The following CUL5 variants were observed in gnomAD, a reference collection of about 807,000 sequenced individuals.
CUL5 encodes cullin 5, also known as cullin-5.
A neutral mutation model predicts 108.8 loss-of-function variants in CUL5; 26 were observed. The ratio of observed to expected loss-of-function variants is 0.24; its 90% CI spans 0.18 to 0.33. The LOEUF is 0.33. Ranked by LOEUF, CUL5 falls within the 10% of genes least tolerant of loss-of-function variation. The pLI, the probability that CUL5 is intolerant of heterozygous loss-of-function variation, is 1.00. For synonymous variants in CUL5, 334 were observed against 298.0 expected, an observed-to-expected ratio of 1.12 and a Z score of -1.25; for missense variants, 524 against 909.2, an observed-to-expected ratio of 0.58 and a Z score of 5.45.
Position 108,054,872 on chromosome 11 carries a change from C to T in CUL5, c.700-3C>T, listed in dbSNP as rs1863334021. On this transcript the variant is annotated splice_region_variant and splice_polypyrimidine_tract_variant and intron_variant, in intron 6 of 18. Coordinates refer to ENST00000393094, the MANE Select transcript of CUL5 (RefSeq NM_003478.6). ...AAATGATTGCTATTTTGCTTCTGGA[C>T]AGGCAGATGCTAAATTAAAAGAAGA... is the stretch of plus-strand genomic sequence containing the variant. 2 of 1,606,816 alleles carry T rather than the reference C, an allele frequency of 1.2e-6. No individual in the cohort carries two copies. Among genetic ancestry groups the T allele is most frequent in the Non-Finnish European group, 1.7e-6 (2 of 1,178,060 alleles).
chr11:108,081,656 G>A (rs1323151165), intron 11 of CUL5, among the ~76,000 whole-genome samples: 1 of 151,976 alleles, frequency 6.6e-6, no homozygotes, highest in Non-Finnish European at 1.5e-5. Flanking sequence ...GGAGGCTGAG[G>A]CAGGAGAATG....
At position 108,097,905 on chromosome 11, in the gene CUL5, TATTA is replaced by T. The variant is rs551047809; in HGVS notation, c.2024+154_2024+157del. ...ACATCATTTAGTTGTTTATGGAAAA[TATTA>T]ATCAGATGTTTACTTTTCTATATTT... is the stretch of plus-strand genomic sequence containing the variant. On this transcript the variant is annotated intron_variant, in intron 17 of 18. Transcript: ENST00000393094. The T allele has an allele frequency of 4.2e-3, 2,310 of 545,810 alleles. 30 individuals carry two copies. The highest frequency in any genetic ancestry group is 3.4e-3 in the Non-Finnish European group (1,050 of 308,496). 33.8% of individuals were successfully genotyped at this position (545,810 alleles called of 1,614,324 possible). A position where few individuals can be genotyped will look rare whatever the true frequency, so the allele number is the denominator to read the frequency against.
At chr11:108,027,762 C>A (rs1298642962) in intron 1 of CUL5, among the ~76,000 whole-genome samples, 1 of 152,154 alleles carries the variant, frequency 6.6e-6, no homozygotes, top group Admixed American at 6.5e-5. Flanking sequence ...TTTGTCCTTA[C>A]TACTCTGCAA....
At chr11:108,048,648 C>CTTTTTTTTTTTTTTTTTTTTTTTT (rs200991204) in intron 3 of CUL5, among the ~76,000 whole-genome samples, 49 of 116,852 alleles carry the variant, frequency 4.2e-4, no homozygotes, top group Non-Finnish European at 7.0e-4. Flanking sequence ...ACTCCACCAC[C>CTTTTTTTTTTTTTTTTTTTTTTTT]TTTTTTTTTT....
At chr11:108,055,018 C>A in intron 7 of CUL5, 63 bp downstream of exon 7, 2 of 1,093,020 alleles carry the variant, frequency 1.8e-6, no homozygotes, top group East Asian at 2.5e-5. Context: ...ATAGGAATGG[C>A]AAATAAACAA....
intron 7 of CUL5, among the ~76,000 whole-genome samples, chr11:108,057,197 A>C (rs543756428): frequency 5.3e-4 from 81 of 152,146 alleles, no homozygotes; most frequent in African/African-American, 1.9e-3. Context: ...ACACCTGGCT[A>C]ATTTTTTATT....
intron 18 of CUL5, among the ~76,000 whole-genome samples, chr11:108,103,707 GGAATT>G (rs1864724628): frequency 6.6e-6 from 1 of 152,152 alleles, no homozygotes; most frequent in South Asian, 2.1e-4. Flanking sequence ...TGGGAAAAAA[GGAATT>G]GAAGGAAATA....
At chr11:108,083,435 G>T (rs145906107) in intron 11 of CUL5, among the ~76,000 whole-genome samples, 70 of 152,228 alleles carry the variant, frequency 4.6e-4, no homozygotes, top group African/African-American at 1.6e-3. Context: ...AGGATTGCTG[G>T]GTTTCTCTTA....
At chr11:108,050,290 C>T (rs547587652) in intron 4 of CUL5, among the ~76,000 whole-genome samples, 28 of 151,830 alleles carry the variant, frequency 1.8e-4, no homozygotes, top group Non-Finnish European at 3.4e-4. Flanking sequence ...CATCTTCAAC[C>T]ATTATCTCCT....
intron 1 of CUL5, among the ~76,000 whole-genome samples, chr11:108,013,957 A>G (rs1862117566): frequency 6.6e-6 from 1 of 152,224 alleles, no homozygotes; most frequent in Non-Finnish European, 1.5e-5. Context: ...ATTGACATCC[A>G]TATGCAAGGT....
At chr11:108,082,547 G>T (rs1207748318) in intron 11 of CUL5, among the ~76,000 whole-genome samples, 2 of 151,990 alleles carry the variant, frequency 1.3e-5, no homozygotes, top group African/African-American at 2.4e-5. Flanking sequence ...AAAGTGCTAG[G>T]ATTACGGGCA....
At chr11:108,042,101 AG>A (rs1167601977) in intron 2 of CUL5, among the ~76,000 whole-genome samples, 1 of 152,054 alleles carries the variant, frequency 6.6e-6, no homozygotes, top group Non-Finnish European at 1.5e-5. Flanking sequence ...AAGGGATAAA[AG>A]GGGGTTAGTT....
At chr11:108,075,062 T>C (rs1049107380) in intron 10 of CUL5, among the ~76,000 whole-genome samples, 4 of 152,160 alleles carry the variant, frequency 2.6e-5, no homozygotes, top group Non-Finnish European at 5.9e-5. Context: ...ATTCTGGCTG[T>C]TGTAAAAAAT....
At chr11:108,042,595 A>G (rs1361341340) in intron 2 of CUL5, among the ~76,000 whole-genome samples, 1 of 151,662 alleles carries the variant, frequency 6.6e-6, no homozygotes. Context: ...TTGCCTGGCA[A>G]ACTCCTATTT....
intron 11 of CUL5, among the ~76,000 whole-genome samples, chr11:108,085,255 A>G (rs1864190432): frequency 6.6e-6 from 1 of 152,212 alleles, no homozygotes; most frequent in Non-Finnish European, 1.5e-5. Flanking sequence ...CTAAGAAATG[A>G]ATTATTATTC....
intron 7 of CUL5, among the ~76,000 whole-genome samples, chr11:108,066,659 T>G (rs1412582501): frequency 1.3e-5 from 2 of 152,232 alleles, no homozygotes; most frequent in Non-Finnish European, 2.9e-5. Context: ...AACTATTGTT[T>G]CTACCACTAG....
At chr11:108,079,365 C>CA (rs1864015326) in intron 11 of CUL5, among the ~76,000 whole-genome samples, 1 of 152,188 alleles carries the variant, frequency 6.6e-6, no homozygotes, top group Admixed American at 6.5e-5. Context: ...CTCAGCCTCC[C>CA]AAAGTGCTGG....
chr11:108,009,015 AGGAGTCGGGGAGGCTCGT>A lies in CUL5; in HGVS notation c.-326_-309del. On this transcript the variant is annotated 5_prime_UTR_variant, in exon 1 of 19. Transcript: ENST00000393094. Reference sequence around the variant, plus strand: ...GGTGCAACCACAAAGGCTAATCCGAAGGAGTCGGGGAGGCTCGTGGAGTCGATGCTTCCTCTTCCAAGT... The same window carrying A: ...GGTGCAACCACAAAGGCTAATCCGAAGGAGTCGATGCTTCCTCTTCCAAGT... 1 of 374,284 alleles carries A rather than the reference AGGAGTCGGGGAGGCTCGT, an allele frequency of 2.7e-6. No individual in the cohort carries two copies. The highest frequency in any genetic ancestry group is 4.9e-6 in the Non-Finnish European group (1 of 205,596). 23.2% of individuals were successfully genotyped at this position (374,284 alleles called of 1,614,324 possible).
chr11:108,097,773 C>T lies in CUL5; in HGVS notation c.2024+19C>T. The T allele has an allele frequency of 7.3e-7, 1 of 1,364,404 alleles. No homozygotes were observed. Among genetic ancestry groups the T allele is most frequent in the Non-Finnish European group, 1.0e-6 (1 of 968,984 alleles). The allele number at this position is 1,364,404 out of a possible 1,614,324, so 84.5% of individuals were successfully genotyped here. ...GTTTAATGTAAGCTCGTTAGTTGAT[C>T]TAAAATAAAAACACCTTGTTTGAAT... On this transcript the variant is annotated intron_variant, in intron 17 of 18. Coordinates refer to ENST00000393094, the MANE Select transcript of CUL5 (RefSeq NM_003478.6).
Sources: gnomAD v4.1 joint callset for allele counts (sites outside exome capture counted in the v4.1 genomes callset) on GRCh38, gnomAD v4.1.1 for gene constraint, MANE v1.5 for transcripts, NCBI Gene and HGNC (gene_info 2026-07-23, HGNC 2026-07-21) for gene names.